GPHN: variants seen among roughly 807,000 people sequenced by gnomAD.
The protein encoded by GPHN is gephyrin.
A neutral mutation model predicts 95.5 loss-of-function variants in GPHN; 17 were observed. The observed-to-expected ratio is 0.18, with a 90% confidence interval of 0.12 to 0.27. The LOEUF is 0.27. Among genes scored for constraint, GPHN ranks in the 10% least tolerant of loss-of-function variants. The pLI is 1.00. For synonymous variants in GPHN, 320 were observed against 322.5 expected, an observed-to-expected ratio of 0.99 and a Z score of 0.08; for missense variants, 660 against 978.1, an observed-to-expected ratio of 0.67 and a Z score of 4.34.
the GPHN span, among the ~76,000 whole-genome samples, chr14:67,313,550 A>G: frequency 0.31 from 47,811 of 151,976 alleles, 11,591 homozygotes; most frequent in African/African-American, 0.65. Flanking sequence ...GCAGTAGAAT[A>G]AAGAAAGGAG....
At chr14:67,564,068 A>AT in the GPHN span, among the ~76,000 whole-genome samples, 1 of 151,354 alleles carries the variant, frequency 6.6e-6, no homozygotes, top group Non-Finnish European at 1.5e-5. Flanking sequence ...CGCCCGGCCA[A>AT]TTTTTTGTAT....
At chr14:66,551,538 C>G (rs1431943512) in intron 1 of GPHN, among the ~76,000 whole-genome samples, 1 of 152,212 alleles carries the variant, frequency 6.6e-6, no homozygotes. Context: ...CGGATATTCA[C>G]ATTGTGTTCT....
the GPHN span, among the ~76,000 whole-genome samples, chr14:67,352,401 G>A: frequency 2.0e-5 from 3 of 150,448 alleles, no homozygotes; most frequent in South Asian, 2.1e-4. Context: ...AGCCCAGTTT[G>A]AGGCTGCAGA....
At chr14:67,089,155 TTTTCAAATTTTTGGC>T in intron 12 of GPHN, 80 bp downstream of exon 12, 1 of 499,026 alleles carries the variant, frequency 2.0e-6, no homozygotes, top group Non-Finnish European at 3.6e-6. Context: ...TTTTTTTTTT[TTTTCAAATTTTTGGC>T]TTAGCCCAAG....
chr14:66,933,566 C>T (rs746090414), intron 8 of GPHN, among the ~76,000 whole-genome samples: 9 of 152,124 alleles, frequency 5.9e-5, no homozygotes, highest in South Asian at 2.1e-4. Context: ...TATTTAGAGA[C>T]GGAAAACCTG....
At chr14:67,207,979 G>C in the GPHN span, among the ~76,000 whole-genome samples, 50 of 152,204 alleles carry the variant, frequency 3.3e-4, no homozygotes, top group African/African-American at 1.2e-3. Context: ...ACATGTGTCA[G>C]GCTGCAGTGG....
chr14:67,497,205 C>T, the GPHN span, among the ~76,000 whole-genome samples: 3 of 152,108 alleles, frequency 2.0e-5, no homozygotes, highest in Non-Finnish European at 4.4e-5. Context: ...CACACGAATG[C>T]CCTGGGTTGT....
At chr14:67,651,288 C>G in the GPHN span, 1 of 1,599,724 alleles carries the variant, frequency 6.3e-7, no homozygotes, top group Non-Finnish European at 8.5e-7. Context: ...CTTGAACTGT[C>G]AGCCCACAGC....
chr14:67,318,564 C>T, the GPHN span, among the ~76,000 whole-genome samples: 3 of 152,028 alleles, frequency 2.0e-5, no homozygotes, highest in Non-Finnish European at 4.4e-5. Context: ...CTTGATTATA[C>T]GTGTTAGAAT....
At chr14:67,234,612 C>T in the GPHN span, among the ~76,000 whole-genome samples, 2 of 152,070 alleles carry the variant, frequency 1.3e-5, no homozygotes, top group Non-Finnish European at 2.9e-5. Flanking sequence ...TGCCGTGGTG[C>T]GATCTTGGCT....
the GPHN span, among the ~76,000 whole-genome samples, chr14:67,431,404 A>ACC: frequency 2.1e-5 from 3 of 146,290 alleles, no homozygotes; most frequent in African/African-American, 7.7e-5. Flanking sequence ...AAAAAAAAAA[A>ACC]AAAAAAAAAA....
chr14:66,919,514 A>C (rs560766879), intron 6 of GPHN, among the ~76,000 whole-genome samples: 1 of 152,262 alleles, frequency 6.6e-6, no homozygotes, highest in South Asian at 2.1e-4. Flanking sequence ...GGAAAATAAC[A>C]GACAGGTACA....
intron 1 of GPHN, among the ~76,000 whole-genome samples, chr14:66,626,303 T>C (rs917311197): frequency 2.0e-5 from 3 of 152,170 alleles, no homozygotes; most frequent in Non-Finnish European, 4.4e-5. Flanking sequence ...TTAATTCTTT[T>C]CTCTATATTA....
the GPHN span, chr14:67,189,788 A>G: frequency 1.4e-5 from 2 of 147,342 alleles, no homozygotes; most frequent in Non-Finnish European, 3.0e-5. Context: ...AAATAATTTC[A>G]TTGAGAGTTT....
At chr14:67,185,115 T>C (rs150735630), downstream of GPHN, among the ~76,000 whole-genome samples, 20 of 152,322 alleles carry the variant, frequency 1.3e-4, no homozygotes, top group East Asian at 3.9e-3. Flanking sequence ...ACTGTGAACA[T>C]GAATTCTTCA....
At chr14:66,527,599 C>A (rs1370931440) in intron 1 of GPHN, among the ~76,000 whole-genome samples, 1 of 152,030 alleles carries the variant, frequency 6.6e-6, no homozygotes, top group Non-Finnish European at 1.5e-5. Flanking sequence ...CTCTTGTGGG[C>A]CTTTGGTGCT....
Position 66,848,663 on chromosome 14 carries a change from T to C in GPHN, c.294+24097T>C, listed in dbSNP as rs369038406. Among the ~76,000 whole-genome samples, 171 of 152,098 alleles carry C rather than the reference T, an allele frequency of 1.1e-3. 3 individuals are homozygous for C. The South Asian group carries it at 0.035, about 31-fold the overall frequency. Reference sequence around the variant, plus strand: ...AATGGGTATTCAGTCCATATTGTAATAGAAAAATATATGGTCATTTAGGAG... The same window carrying C: ...AATGGGTATTCAGTCCATATTGTAACAGAAAAATATATGGTCATTTAGGAG... On this transcript the variant is annotated intron_variant, in intron 4 of 22. Transcript: ENST00000478722.
chr14:66,807,558 A>G (rs1398709173), intron 3 of GPHN, among the ~76,000 whole-genome samples: 1 of 152,216 alleles, frequency 6.6e-6, no homozygotes, highest in Non-Finnish European at 1.5e-5. Flanking sequence ...AGAATCATTT[A>G]CATCAATATG....
At chr14:67,648,001 C>T in the GPHN span, 1 of 1,524,332 alleles carries the variant, frequency 6.6e-7, no homozygotes, top group Non-Finnish European at 8.9e-7. Context: ...CAAGGACAAC[C>T]AGTTAAGTAT....
Sources: allele counts gnomAD v4.1 joint callset (sites outside exome capture counted in the v4.1 genomes callset), GRCh38; gene constraint gnomAD v4.1.1; transcripts MANE v1.5; gene names NCBI Gene and HGNC (gene_info 2026-07-23, HGNC 2026-07-21).